The following AP3M2 variants were observed in gnomAD, a reference collection of about 807,000 sequenced individuals.
AP3M2 encodes the protein AP-3 complex subunit mu-2.
A neutral mutation model predicts 41.6 loss-of-function variants in AP3M2; 28 were observed. The ratio of observed to expected loss-of-function variants is 0.67; its 90% CI spans 0.50 to 0.92. The LOEUF (loss-of-function observed/expected upper bound fraction) is 0.92, where lower values mean the gene tolerates loss of function less well. Among genes scored for constraint, AP3M2 ranks in the 40% least tolerant of loss-of-function variants. The probability of loss-of-function intolerance (pLI) is 0.00; values close to 1 mark genes in which losing one functional copy is unlikely to be tolerated. For synonymous variants in AP3M2, 193 were observed against 186.4 expected, an observed-to-expected ratio of 1.04 and a Z score of -0.29; for missense variants, 427 against 521.4, an observed-to-expected ratio of 0.82 and a Z score of 1.76.
chr8:42,170,347 G>A lies in AP3M2; in HGVS notation c.*1286G>A, dbSNP rs1298893011. 2 of 152,194 alleles carry A rather than the reference G, an allele frequency of 1.3e-5. No homozygotes were observed. Among genetic ancestry groups the A allele is most frequent in the Non-Finnish European group, 2.9e-5 (2 of 68,032 alleles). The allele number at this position is 152,194 out of a possible 1,614,324, so 9.4% of individuals were successfully genotyped here. A position where few individuals can be genotyped will look rare whatever the true frequency, so the allele number is the denominator to read the frequency against. ...TCTCTGAATAAAATCAGTGCTGTAG[G>A]AAGATGGACTGTGTTGATCATGGGT... On this transcript the variant is annotated 3_prime_UTR_variant, in exon 9 of 9. Transcript: ENST00000396926.
Position 42,170,270 on chromosome 8 carries a change from C to A in AP3M2, c.*1209C>A, listed in dbSNP as rs34779233. 1.5e-4 allele frequency: 23 copies of A among 152,330 alleles called. No individual in the cohort carries two copies. The East Asian group carries it at 4.4e-3, about 29-fold the overall frequency. The allele number at this position is 152,330 out of a possible 1,614,324, so 9.4% of individuals were successfully genotyped here. Reference sequence around the variant, plus strand: ...TTCTTTTGTACTCCTATCATGTATTCATTAATATCTACCAGTCCCTTTTCA... The same window carrying A: ...TTCTTTTGTACTCCTATCATGTATTAATTAATATCTACCAGTCCCTTTTCA... On this transcript the variant is annotated 3_prime_UTR_variant, in exon 9 of 9. Transcript: ENST00000396926.
intron 8 of AP3M2, among the ~76,000 whole-genome samples, chr8:42,168,625 A>G (rs192654293): frequency 2.6e-5 from 4 of 152,290 alleles, no homozygotes; most frequent in Non-Finnish European, 4.4e-5. Context: ...TTACTTCATT[A>G]TTCATTTGTT....
chr8:42,160,696 A>G (rs536645056), intron 3 of AP3M2, among the ~76,000 whole-genome samples: 2 of 152,272 alleles, frequency 1.3e-5, no homozygotes, highest in South Asian at 4.1e-4. Flanking sequence ...TTTTCCTAGC[A>G]CCATTGTGTA....
intron 3 of AP3M2, among the ~76,000 whole-genome samples, chr8:42,160,033 T>C (rs1479703437): frequency 1.3e-5 from 2 of 152,164 alleles, no homozygotes; most frequent in Non-Finnish European, 2.9e-5. Flanking sequence ...CTACCAGATA[T>C]CAGATATATT....
chr8:42,162,192 A>G, intron 3 of AP3M2, 89 bp from the exon 4 acceptor site: 1 of 1,316,150 alleles, frequency 7.6e-7, no homozygotes, highest in Non-Finnish European at 1.0e-6. Flanking sequence ...GAGTGCATGA[A>G]TAGTGGGAGC....
chr8:42,154,785 T>A lies in AP3M2; in HGVS notation c.98T>A (p.Phe33Tyr). The change falls in exon 2 of 9, where the codon TTT (phenylalanine) becomes TAT (tyrosine). Residue 33 changes from phenylalanine (F) to tyrosine (Y), a missense_variant. Transcript: ENST00000396926. ...AGCCGTTCTGTTTGTGATTACTTTT[T>A]TGAGGCGCAAGAGAGAGCTACTGAG... is the stretch of plus-strand genomic sequence containing the variant. Reference protein sequence around the residue: ...VVSRSVCDYFFEAQERATEAE... With the variant: ...VVSRSVCDYFYEAQERATEAE... 7.4e-6 allele frequency: 12 copies of A among 1,614,170 alleles called. No homozygotes were observed. The highest frequency in any genetic ancestry group is 1.0e-5 in the Non-Finnish European group (12 of 1,180,032).
chr8:42,164,964 A>G, intron 4 of AP3M2, 107 bp from the exon 5 acceptor site: 1 of 886,694 alleles, frequency 1.1e-6, no homozygotes, highest in East Asian at 2.7e-5. Context: ...AGGGAGAGAG[A>G]GGAAGGTGAG....
In AP3M2 at chr8:42,165,097, G is replaced by T. The variant is rs1470083358; in HGVS notation, c.610G>T (p.Gly204Trp). 1.2e-6 allele frequency: 2 copies of T among 1,614,012 alleles called. No homozygotes were observed. The highest frequency in any genetic ancestry group is 1.7e-6 in the Non-Finnish European group (2 of 1,179,996). Residue 204 changes from glycine to tryptophan, a missense_variant, in exon 5 of 9, where the codon GGG becomes TGG. Gly to Trp is a radical substitution (Grantham distance 184). Coordinates refer to ENST00000396926, the MANE Select transcript of AP3M2 (RefSeq NM_006803.4). Reference sequence around the variant, plus strand: ...CTCCACAATTACTGCTGAGATCCAGGGGGTGATTGATGCCTGTGTCAAGCT... The same window carrying T: ...CTCCACAATTACTGCTGAGATCCAGTGGGTGATTGATGCCTGTGTCAAGCT... Reference protein sequence around the residue: ...SGSTITAEIQGVIDACVKLTG... With the variant: ...SGSTITAEIQWVIDACVKLTG...
chr8:42,164,819 T>C (rs1466060368), intron 4 of AP3M2, among the ~76,000 whole-genome samples: 1 of 152,202 alleles, frequency 6.6e-6, no homozygotes, highest in African/African-American at 2.4e-5. Flanking sequence ...CATTAATCTT[T>C]TTATCACCGT....
chr8:42,162,246 A>G, intron 3 of AP3M2, 35 bp from the exon 4 acceptor site: 5 of 1,580,268 alleles, frequency 3.2e-6, no homozygotes, highest in Non-Finnish European at 4.3e-6. Context: ...TAGAGTCAAA[A>G]TGGTGTTAAA....
At chr8:42,165,618 G>C in intron 6 of AP3M2, 58 bp downstream of exon 6, 1 of 1,578,308 alleles carries the variant, frequency 6.3e-7, no homozygotes, top group Non-Finnish European at 8.6e-7. Flanking sequence ...TGTGGAAACC[G>C]TATCTGTGGT....
chr8:42,169,140 T>C lies in AP3M2; in HGVS notation c.*79T>C. The C allele has an allele frequency of 8.0e-7, 1 of 1,250,974 alleles. No homozygotes were observed. The highest frequency in any genetic ancestry group is 1.4e-5 in the South Asian group (1 of 70,962). 77.5% of individuals were successfully genotyped at this position (1,250,974 alleles called of 1,614,324 possible). On this transcript the variant is annotated 3_prime_UTR_variant, in exon 9 of 9. Coordinates refer to ENST00000396926, the MANE Select transcript of AP3M2 (RefSeq NM_006803.4). ...CTAAAAGTAAAAAAAAATATCAGCC[T>C]GTCTCCTAGGTCAGTCCCCTCCTGG...
At chr8:42,158,179 G>T (rs184287906) in intron 3 of AP3M2, 67 bp downstream of exon 3, 2 of 1,516,042 alleles carry the variant, frequency 1.3e-6, no homozygotes, top group Non-Finnish European at 1.8e-6. Flanking sequence ...GTCGAGTGTC[G>T]CACATTGTTT....
intron 2 of AP3M2, chr8:42,156,075 G>T (rs1412099933): frequency 2.2e-6 from 1 of 452,274 alleles, no homozygotes; most frequent in Non-Finnish European, 4.4e-6. Flanking sequence ...AGAACTAGAA[G>T]AACCCAGGAG....
chr8:42,157,721 A>G lies in AP3M2; in HGVS notation c.274-220A>G, dbSNP rs529166101. ...GATTTAAGTTCCTCTTGTTTGTAGA[A>G]GAAGCTAGTAATGACAGTAGTACCA... On this transcript the variant is annotated intron_variant, in intron 2 of 8. Transcript: ENST00000396926. 2.4e-4 allele frequency among the ~76,000 whole-genome samples: 36 copies of G among 152,336 alleles called. No individual in the cohort carries two copies. The South Asian group carries it at 7.0e-3, about 30-fold the overall frequency.
At chr8:42,168,930 T>C (rs1330802173) in intron 8 of AP3M2, 31 bp from the exon 9 acceptor site, 7 of 1,517,402 alleles carry the variant, frequency 4.6e-6, no homozygotes, top group Middle Eastern at 1.7e-4. Flanking sequence ...ATAATACTCA[T>C]GTCTATTTTC....
intron 6 of AP3M2, among the ~76,000 whole-genome samples, chr8:42,166,079 C>G (rs1804630504): frequency 6.6e-6 from 1 of 152,150 alleles, no homozygotes; most frequent in South Asian, 2.1e-4. Context: ...GCCACCAGTC[C>G]CTTCCCGTGT....
At chr8:42,156,059 T>C (rs764435326) in intron 2 of AP3M2, 1 of 452,876 alleles carries the variant, frequency 2.2e-6, no homozygotes, top group South Asian at 1.6e-5. Context: ...AGTCCCAGTA[T>C]GTGGAAGAAC....
chr8:42,164,935 AGGGAGAGAGAGGAAG>A (rs1271378981), intron 4 of AP3M2, 121 bp from the exon 5 acceptor site: 1 of 669,316 alleles, frequency 1.5e-6, no homozygotes, highest in African/African-American at 1.8e-5. Context: ...AAGGAAAGAA[AGGGAGAGAGAGGAAG>A]GGGAGGGAGA....
Sources: gnomAD v4.1 joint callset for allele counts (sites outside exome capture counted in the v4.1 genomes callset) on GRCh38, gnomAD v4.1.1 for gene constraint, MANE v1.5 for transcripts, NCBI Gene and HGNC (gene_info 2026-07-23, HGNC 2026-07-21) for gene names.